The following TTC28 variants were observed in gnomAD, a reference collection of about 807,000 sequenced individuals.
The protein encoded by TTC28 is tetratricopeptide repeat domain 28.
A neutral mutation model predicts 198.0 loss-of-function variants in TTC28; 61 were observed. The observed-to-expected ratio is 0.31, with a 90% CI of 0.25 to 0.38. The LOEUF is 0.38. Among genes scored for constraint, TTC28 ranks in the 10% least tolerant of loss-of-function variants. The pLI is 1.00. For synonymous variants in TTC28, 1,171 were observed against 1,297.8 expected, an observed-to-expected ratio of 0.90 and a Z score of 2.10; for missense variants, 2,678 against 3,164.0, an observed-to-expected ratio of 0.85 and a Z score of 3.69.
Position 28,163,411 on chromosome 22 carries a change from C to A in TTC28, c.1122G>T (p.Val374=). The A allele has an allele frequency of 1.9e-6, 3 of 1,551,962 alleles. No homozygotes were observed. The highest frequency in any genetic ancestry group is 2.4e-5 in the South Asian group (2 of 84,064). ...TCTTCAGATGCTGCTCATGGCACTG[C>A]ACAGCATTCTCAAAGTCACCCATGG... ...YIAMGDFENA[V]QCHEQHLKIA... The change falls in exon 6 of 23, where the codon GTG becomes GTT. Residue 374 remains valine (V), a synonymous_variant. Coordinates refer to ENST00000397906, the MANE Select transcript of TTC28 (RefSeq NM_001145418.2).
chr22:28,079,799 G>T (rs1941281043), intron 12 of TTC28, among the ~76,000 whole-genome samples: 1 of 152,100 alleles, frequency 6.6e-6, no homozygotes, highest in Non-Finnish European at 1.5e-5. Context: ...CACGATCACA[G>T]CTCACTACAG....
At chr22:28,188,096 G>A (rs979624108) in intron 5 of TTC28, among the ~76,000 whole-genome samples, 4 of 152,156 alleles carry the variant, frequency 2.6e-5, no homozygotes, top group Non-Finnish European at 2.9e-5. Flanking sequence ...CAGTTTAGGC[G>A]GAGGCAGACT....
At chr22:28,423,583 G>A (rs144676115) in intron 2 of TTC28, among the ~76,000 whole-genome samples, 2 of 151,960 alleles carry the variant, frequency 1.3e-5, no homozygotes, top group African/African-American at 4.8e-5. Flanking sequence ...AATAAATCTG[G>A]GCATGCAAAT....
chr22:27,999,320 A>G (rs1292189873), intron 15 of TTC28, 60 bp from the exon 16 acceptor site: 1 of 1,490,210 alleles, frequency 6.7e-7, no homozygotes, highest in Non-Finnish European at 9.0e-7. Flanking sequence ...GCTGCCCGGC[A>G]GTGGTCGGCC....
intron 2 of TTC28, among the ~76,000 whole-genome samples, chr22:28,442,345 T>C (rs894838556): frequency 6.6e-6 from 1 of 152,228 alleles, no homozygotes; most frequent in Non-Finnish European, 1.5e-5. Flanking sequence ...CCCCAGGCGC[T>C]CAGGCAGGAG....
chr22:28,175,507 G>A (rs1166098007), intron 5 of TTC28, among the ~76,000 whole-genome samples: 1 of 152,122 alleles, frequency 6.6e-6, no homozygotes, highest in Non-Finnish European at 1.5e-5. Context: ...CGAGGCGGGT[G>A]GATGCCCTGA....
At chr22:28,171,034 T>G (rs1463134905) in intron 5 of TTC28, among the ~76,000 whole-genome samples, 1 of 151,834 alleles carries the variant, frequency 6.6e-6, no homozygotes. Context: ...AAACCCTTTT[T>G]GTCTTAAAGG....
At chr22:28,168,928 C>G (rs2147075556) in intron 5 of TTC28, among the ~76,000 whole-genome samples, 1 of 152,236 alleles carries the variant, frequency 6.6e-6, no homozygotes, top group Admixed American at 6.5e-5. Flanking sequence ...ACTCATTTGA[C>G]AAAGGGCTAA....
intron 2 of TTC28, among the ~76,000 whole-genome samples, chr22:28,522,488 C>CAAAA (rs1258320862): frequency 3.0e-5 from 2 of 66,198 alleles, no homozygotes; most frequent in Non-Finnish European, 6.3e-5. Flanking sequence ...AACTCCGTCT[C>CAAAA]AAAAAAAAAA....
chr22:28,500,342 C>A (rs770735959), intron 2 of TTC28, among the ~76,000 whole-genome samples: 4 of 152,094 alleles, frequency 2.6e-5, no homozygotes, highest in Non-Finnish European at 4.4e-5. Flanking sequence ...GTTCACCTAC[C>A]TTTTAGCATG....
At chr22:28,257,830 A>G (rs1931060457) in intron 5 of TTC28, among the ~76,000 whole-genome samples, 1 of 147,662 alleles carries the variant, frequency 6.8e-6, no homozygotes, top group African/African-American at 2.5e-5. Context: ...TTTGTCACAT[A>G]AAAAAGACAG....
At chr22:28,551,129 CAGG>C (rs2049663801) in intron 2 of TTC28, among the ~76,000 whole-genome samples, 1 of 151,884 alleles carries the variant, frequency 6.6e-6, no homozygotes, top group South Asian at 2.1e-4. Flanking sequence ...TTTACTACTC[CAGG>C]AGATTGATAA....
chr22:28,496,328 T>C (rs1377101869), intron 2 of TTC28, among the ~76,000 whole-genome samples: 1 of 152,076 alleles, frequency 6.6e-6, no homozygotes, highest in Non-Finnish European at 1.5e-5. Context: ...CTAATAAATA[T>C]CTTAAACTTA....
intron 13 of TTC28, among the ~76,000 whole-genome samples, chr22:28,021,071 C>T (rs1938576519): frequency 6.6e-6 from 1 of 152,222 alleles, no homozygotes; most frequent in South Asian, 2.1e-4. Context: ...ACAGCACTGC[C>T]TCCTTGGCAG....
At chr22:28,530,578 C>G (rs1025935884) in intron 2 of TTC28, among the ~76,000 whole-genome samples, 2 of 152,034 alleles carry the variant, frequency 1.3e-5, no homozygotes, top group Non-Finnish European at 2.9e-5. Context: ...GATACTCCTC[C>G]AGAAGAGCAA....
chr22:28,383,835 T>C (rs1010273301), intron 2 of TTC28, among the ~76,000 whole-genome samples: 4 of 152,236 alleles, frequency 2.6e-5, no homozygotes, highest in Middle Eastern at 3.2e-3. Context: ...GCAGCTAGGA[T>C]GATCCTTTTG....
chr22:28,627,799 T>C (rs1255821837), intron 2 of TTC28, among the ~76,000 whole-genome samples: 1 of 152,116 alleles, frequency 6.6e-6, no homozygotes, highest in African/African-American at 2.4e-5. Context: ...AGTAATCCTT[T>C]AGGGAATTAC....
At chr22:28,501,599 C>T (rs1842227566) in intron 2 of TTC28, among the ~76,000 whole-genome samples, 1 of 152,080 alleles carries the variant, frequency 6.6e-6, no homozygotes, top group Non-Finnish European at 1.5e-5. Context: ...TAATAGATAT[C>T]CCAAATACCC....
At chr22:28,371,598 A>ATTTTTTTTTTTTTTTTTTTT (rs1409625873) in intron 2 of TTC28, among the ~76,000 whole-genome samples, 352 of 27,752 alleles carry the variant, frequency 0.013, 132 homozygotes, top group Middle Eastern at 0.14. Flanking sequence ...AAAAAAAAAA[A>ATTTTTTTTTTTTTTTTTTTT]TTTTTTTTTT....
Sources: gnomAD v4.1 joint callset for allele counts (sites outside exome capture counted in the v4.1 genomes callset) on GRCh38, gnomAD v4.1.1 for gene constraint, MANE v1.5 for transcripts, NCBI Gene and HGNC (gene_info 2026-07-23, HGNC 2026-07-21) for gene names.